CSMD3: variants seen among roughly 807,000 people sequenced by gnomAD.
CSMD3 encodes the protein CUB and sushi domain-containing protein 3.
In CSMD3, 177 loss-of-function variants were observed where a neutral mutation model predicts 435.2. The observed-to-expected ratio is 0.41, with a 90% CI of 0.36 to 0.46. The LOEUF (loss-of-function observed/expected upper bound fraction) is 0.46. Ranked by LOEUF, CSMD3 falls within the 20% of genes least tolerant of loss-of-function variation. The pLI, the probability that CSMD3 is intolerant of heterozygous loss-of-function variation, is 0.34. For missense variants in CSMD3, 4,265 were observed against 4,504.6 expected (o/e 0.95, Z 1.52); for synonymous variants, 1,656 against 1,520.5 (o/e 1.09, Z -2.07).
chr8:112,559,538 G>T (rs1828428140), intron 24 of CSMD3, among the ~76,000 whole-genome samples: 2 of 151,748 alleles, frequency 1.3e-5, no homozygotes, highest in South Asian at 4.1e-4. Context: ...AAGGAGAGCT[G>T]ACACAGACAT....
At chr8:112,577,899 A>G (rs1208873533) in intron 23 of CSMD3, among the ~76,000 whole-genome samples, 3 of 152,114 alleles carry the variant, frequency 2.0e-5, no homozygotes, top group African/African-American at 7.2e-5. Flanking sequence ...TTAAGGTGTT[A>G]ACATCAATCC....
intron 2 of CSMD3, among the ~76,000 whole-genome samples, chr8:113,282,210 T>C (rs962033320): frequency 6.6e-6 from 1 of 151,982 alleles, no homozygotes; most frequent in Non-Finnish European, 1.5e-5. Context: ...AACATAGTAC[T>C]GGAAGTCCTA....
At chr8:112,280,134 T>TA (rs1202598733) in intron 59 of CSMD3, among the ~76,000 whole-genome samples, 1 of 152,152 alleles carries the variant, frequency 6.6e-6, no homozygotes, top group African/African-American at 2.4e-5. Flanking sequence ...TTCTGATAAT[T>TA]ATTTGGTCAG....
intron 13 of CSMD3, among the ~76,000 whole-genome samples, chr8:112,755,331 A>AATAAT: frequency 7.8e-6 from 1 of 128,734 alleles, no homozygotes; most frequent in Non-Finnish European, 1.6e-5. Flanking sequence ...ACTCCGTCTC[A>AATAAT]AATAATAATA....
In CSMD3 at chr8:112,896,441, G is replaced by A. The variant is rs542643591; in HGVS notation, c.1633+25186C>T. On this transcript the variant is annotated intron_variant, in intron 10 of 70. Transcript: ENST00000297405. ...GTTGATGCTTAGACTACCAAGTTTTGAGATGATTTGTTACATAGCCATAGA... is the reference window on the plus strand; with the variant it reads ...GTTGATGCTTAGACTACCAAGTTTTAAGATGATTTGTTACATAGCCATAGA... Among the ~76,000 whole-genome samples, 249 of 151,520 alleles carry A rather than the reference G, an allele frequency of 1.6e-3. 1 individual carries two copies. Among genetic ancestry groups the A allele is most frequent in the Non-Finnish European group, 3.1e-3 (210 of 67,594 alleles).
chr8:112,302,542 T>A (rs1053143789), intron 52 of CSMD3, among the ~76,000 whole-genome samples: 10 of 152,136 alleles, frequency 6.6e-5, no homozygotes, highest in Non-Finnish European at 1.3e-4. Flanking sequence ...ACTGGCTTGC[T>A]GGGTCATATA....
chr8:112,666,341 A>C lies in CSMD3; in HGVS notation c.2752T>G (p.Ser918Ala). 6.2e-7 allele frequency: 1 copy of C among 1,612,524 alleles called. No individual in the cohort carries two copies. Among genetic ancestry groups the C allele is most frequent in the South Asian group, 1.1e-5 (1 of 90,950 alleles). ...SPGWPGYYKD[S>A]LNCEWVIEAE... ...TCAATCACCCACTCACAATTCAAAG[A>C]GTCTTTGTAGTATCCTGGCCATCCT... Residue 918 changes from serine (S) to alanine (A), a missense_variant, in exon 17 of 71, where the codon TCT becomes GCT. Ser to Ala is a moderately conservative substitution (Grantham distance 99). Transcript: ENST00000297405.
chr8:112,777,273 A>G (rs2078270066), intron 13 of CSMD3, among the ~76,000 whole-genome samples: 1 of 151,872 alleles, frequency 6.6e-6, no homozygotes, highest in South Asian at 2.1e-4. Context: ...CAAACCACGG[A>G]AAGAAAAGTA....
chr8:112,417,568 T>C (rs534325039), intron 32 of CSMD3, among the ~76,000 whole-genome samples: 9 of 152,288 alleles, frequency 5.9e-5, no homozygotes, highest in Non-Finnish European at 1.2e-4. Context: ...TATACATCAG[T>C]ATTTAGTAAA....
chr8:112,950,212 G>C (rs1380389527), intron 8 of CSMD3, among the ~76,000 whole-genome samples: 2 of 151,750 alleles, frequency 1.3e-5, no homozygotes, highest in Non-Finnish European at 2.9e-5. Context: ...TTGTTTGATT[G>C]ACAATACCAC....
At chr8:112,831,509 G>A (rs996912227) in intron 11 of CSMD3, among the ~76,000 whole-genome samples, 4 of 149,324 alleles carry the variant, frequency 2.7e-5, no homozygotes, top group African/African-American at 4.9e-5. Context: ...GTTCACATTC[G>A]TGTACATTGA....
chr8:112,489,880 T>C (rs1820517628), intron 31 of CSMD3, among the ~76,000 whole-genome samples: 1 of 152,238 alleles, frequency 6.6e-6, no homozygotes, highest in African/African-American at 2.4e-5. Context: ...AAAAGTCTAA[T>C]GATACTTAAC....
chr8:112,279,013 A>AAAC (rs200149218), intron 59 of CSMD3, among the ~76,000 whole-genome samples: 2,049 of 119,206 alleles, frequency 0.017, 15 homozygotes, highest in Middle Eastern at 0.039. Context: ...CACCCCCAAA[A>AAAC]AACAACAACA....
chr8:112,935,266 A>G (rs2083245738), intron 9 of CSMD3, among the ~76,000 whole-genome samples: 1 of 152,160 alleles, frequency 6.6e-6, no homozygotes, highest in Non-Finnish European at 1.5e-5. Flanking sequence ...CCTTGTTTTA[A>G]TGCCAATACT....
chr8:112,281,527 C>T (rs554228341), intron 58 of CSMD3, among the ~76,000 whole-genome samples, 177 bp from the exon 59 acceptor site: 9 of 152,216 alleles, frequency 5.9e-5, no homozygotes, highest in South Asian at 2.1e-4. Context: ...TGATTTTATT[C>T]GCTTAATTAC....
rs536316044 is a variant in CSMD3 at position 112,868,742 on chromosome 8, C to A, written c.1634-9476G>T. Among the ~76,000 whole-genome samples, 9 of 152,074 alleles carry A rather than the reference C, an allele frequency of 5.9e-5. No individual in the cohort carries two copies. In the South Asian group the frequency reaches 1.7e-3, roughly 28 times the overall value. The stretch of plus-strand genomic sequence containing the variant: ...AGTCAACTAACCTGTGACAGGGTCA[C>A]CAAAAATACAAAATGGGGGAAAGAA... On this transcript the variant is annotated intron_variant, in intron 10 of 70. Coordinates refer to ENST00000297405, the MANE Select transcript of CSMD3 (RefSeq NM_198123.2).
At chr8:112,536,913 G>A (rs1365039503) in intron 27 of CSMD3, among the ~76,000 whole-genome samples, 3 of 151,772 alleles carry the variant, frequency 2.0e-5, no homozygotes, top group African/African-American at 7.3e-5. Flanking sequence ...GTAAACTATT[G>A]CAAGAACAAA....
rs146036357 is a variant in CSMD3 at position 112,374,808 on chromosome 8, A to G, written c.6136+5544T>C. 4.4e-3 allele frequency among the ~76,000 whole-genome samples: 674 copies of G among 152,288 alleles called. 6 individuals carry two copies. Among genetic ancestry groups the G allele is most frequent in the African/African-American group, 0.016 (648 of 41,572 alleles). On this transcript the variant is annotated intron_variant, in intron 38 of 70. Coordinates refer to ENST00000297405, the MANE Select transcript of CSMD3 (RefSeq NM_198123.2). ...GTGGTTTTTGAAAAATACAGTTAAC[A>G]CATTTCACAGATTGCATAAATATCC...
chr8:112,706,202 ACATT>A (rs966249323), intron 13 of CSMD3, among the ~76,000 whole-genome samples: 1 of 152,036 alleles, frequency 6.6e-6, no homozygotes, highest in African/African-American at 2.4e-5. Context: ...TCTTGTTCAC[ACATT>A]CATTCATTCA....
Sources: allele counts gnomAD v4.1 joint callset (sites outside exome capture counted in the v4.1 genomes callset), GRCh38; gene constraint gnomAD v4.1.1; transcripts MANE v1.5; gene names NCBI Gene and HGNC (gene_info 2026-07-23, HGNC 2026-07-21).